The following B3GALT1 variants were observed in gnomAD, a reference collection of about 807,000 sequenced individuals.
B3GALT1 encodes beta-1,3-galactosyltransferase 1.
In B3GALT1, 10 loss-of-function variants were observed where a neutral mutation model predicts 23.2. The observed-to-expected ratio is 0.43, with a 90% confidence interval of 0.27 to 0.73. B3GALT1 has a LOEUF of 0.73. Ranked by LOEUF, B3GALT1 falls within the 30% of genes least tolerant of loss-of-function variation. The pLI is 0.21. For missense variants in B3GALT1, 299 were observed against 405.4 expected, an observed-to-expected ratio of 0.74 and a Z score of 2.25; for synonymous variants, 156 against 141.5, an observed-to-expected ratio of 1.10 and a Z score of -0.73.
intron 3 of B3GALT1, among the ~76,000 whole-genome samples, chr2:167,735,202 C>T (rs1219140984): frequency 6.6e-6 from 1 of 152,196 alleles, no homozygotes; most frequent in African/African-American, 2.4e-5. Flanking sequence ...CTTAGGTCAG[C>T]TACAGTGAAT....
intron 2 of B3GALT1, among the ~76,000 whole-genome samples, chr2:167,568,989 C>G (rs1322676978): frequency 6.6e-6 from 1 of 151,870 alleles, no homozygotes; most frequent in Non-Finnish European, 1.5e-5. Context: ...CATCATTGTT[C>G]CATTTGTATT....
At chr2:167,435,381 A>G (rs2105309492) in intron 1 of B3GALT1, among the ~76,000 whole-genome samples, 1 of 149,868 alleles carries the variant, frequency 6.7e-6, no homozygotes, top group South Asian at 2.1e-4. Context: ...CTAAAATAGG[A>G]AAAAGGGAAG....
intron 2 of B3GALT1, among the ~76,000 whole-genome samples, chr2:167,620,057 T>C (rs891313752): frequency 9.9e-5 from 15 of 152,142 alleles, no homozygotes; most frequent in Admixed American, 2.0e-4. Context: ...AGGAAAATCA[T>C]GTCTGCAAAG....
intron 2 of B3GALT1, among the ~76,000 whole-genome samples, chr2:167,550,367 C>A (rs546314747): frequency 1.1e-3 from 164 of 152,262 alleles, no homozygotes; most frequent in African/African-American, 3.7e-3. Flanking sequence ...CAGAAACTTA[C>A]TTTTACTTTA....
intron 1 of B3GALT1, among the ~76,000 whole-genome samples, chr2:167,357,990 C>T (rs754292166): frequency 6.6e-6 from 1 of 152,158 alleles, no homozygotes; most frequent in Admixed American, 6.5e-5. Context: ...TATATCTTCA[C>T]AATTTGAGTA....
chr2:167,791,856 C>T (rs1427189421), intron 3 of B3GALT1, among the ~76,000 whole-genome samples: 2 of 149,736 alleles, frequency 1.3e-5, no homozygotes, highest in African/African-American at 4.9e-5. Context: ...CAAAAGAATT[C>T]ACAAAGGTAT....
chr2:167,342,571 C>T (rs1697166016), intron 1 of B3GALT1, among the ~76,000 whole-genome samples: 2 of 144,866 alleles, frequency 1.4e-5, no homozygotes, highest in Non-Finnish European at 3.0e-5. Flanking sequence ...GCCTGGGTGA[C>T]AGAGAGAGAC....
chr2:167,424,048 G>T (rs1332273885), intron 1 of B3GALT1, among the ~76,000 whole-genome samples: 1 of 152,112 alleles, frequency 6.6e-6, no homozygotes, highest in Non-Finnish European at 1.5e-5. Context: ...AGACAGAAAT[G>T]CTTTCAAATG....
chr2:167,834,128 T>A (rs1689408626), intron 4 of B3GALT1, among the ~76,000 whole-genome samples: 1 of 152,100 alleles, frequency 6.6e-6, no homozygotes, highest in Non-Finnish European at 1.5e-5. Context: ...AAGGCAGAGT[T>A]CAAAAACAAA....
Position 167,627,864 on chromosome 2 carries a change from A to G in B3GALT1, c.-409-19045A>G, listed in dbSNP as rs1375298582. On this transcript the variant is annotated intron_variant, in intron 2 of 4. Coordinates refer to ENST00000392690, the MANE Select transcript of B3GALT1 (RefSeq NM_020981.4). ...CTATTGTCAGACTTTTTAACCCATTATGAGTATTCATATGAATATATGACA... is the reference window on the plus strand; with the variant it reads ...CTATTGTCAGACTTTTTAACCCATTGTGAGTATTCATATGAATATATGACA... 2.0e-5 allele frequency among the ~76,000 whole-genome samples: 3 copies of G among 151,634 alleles called. No individual in the cohort carries two copies. The Admixed American group carries it at 2.0e-4, about 10-fold the overall frequency.
chr2:167,409,329 A>G (rs2105294254), intron 1 of B3GALT1, among the ~76,000 whole-genome samples: 1 of 152,190 alleles, frequency 6.6e-6, no homozygotes, highest in East Asian at 1.9e-4. Flanking sequence ...CTCCTGGATA[A>G]TGTTCTGAAG....
intron 3 of B3GALT1, among the ~76,000 whole-genome samples, chr2:167,698,765 A>G (rs1361855176): frequency 6.6e-6 from 1 of 152,238 alleles, no homozygotes; most frequent in Non-Finnish European, 1.5e-5. Flanking sequence ...AATAACTAAC[A>G]AACAAAACAC....
At chr2:167,637,562 T>A (rs182699536) in intron 2 of B3GALT1, among the ~76,000 whole-genome samples, 4 of 152,148 alleles carry the variant, frequency 2.6e-5, no homozygotes, top group Admixed American at 2.6e-4. Context: ...TGTTGTTAAC[T>A]GTAGTCACTC....
At chr2:167,510,178 A>G (rs183003315) in intron 2 of B3GALT1, among the ~76,000 whole-genome samples, 115 of 152,302 alleles carry the variant, frequency 7.6e-4, no homozygotes, top group Non-Finnish European at 1.4e-3. Context: ...TTCCCTTTGA[A>G]AGGTGTAAAA....
intron 3 of B3GALT1, among the ~76,000 whole-genome samples, chr2:167,654,770 A>G (rs1304992836): frequency 1.3e-5 from 2 of 150,876 alleles, no homozygotes; most frequent in Non-Finnish European, 2.9e-5. Context: ...TGCTGAAAAT[A>G]GAGACATAAG....
At chr2:167,754,986 A>C (rs1490351361) in intron 3 of B3GALT1, among the ~76,000 whole-genome samples, 2 of 152,126 alleles carry the variant, frequency 1.3e-5, no homozygotes, top group South Asian at 4.2e-4. Flanking sequence ...TTCTCTTTTG[A>C]TACGTGTTTT....
chr2:167,777,554 G>T (rs1009182073), intron 3 of B3GALT1, among the ~76,000 whole-genome samples: 4 of 152,020 alleles, frequency 2.6e-5, no homozygotes, highest in African/African-American at 9.7e-5. Context: ...CGCCTTGTTG[G>T]CCAGGCTGGT....
rs545493860 is a variant in B3GALT1 at position 167,871,948 on chromosome 2, C to T, written c.*1928C>T. Reference sequence around the variant, plus strand: ...ACGGAGTCTAGCTCTGTGGCCCAGGCGGGAGTGCAGTGGCACAATCTCGGC... The same window carrying T: ...ACGGAGTCTAGCTCTGTGGCCCAGGTGGGAGTGCAGTGGCACAATCTCGGC... On this transcript the variant is annotated 3_prime_UTR_variant, in exon 5 of 5. Transcript: ENST00000392690. 17 of 122,370 alleles carry T rather than the reference C, an allele frequency of 1.4e-4. No individual in the cohort carries two copies. The highest frequency in any genetic ancestry group is 2.5e-4 in the Non-Finnish European group (16 of 63,502). 7.6% of individuals were successfully genotyped at this position (122,370 alleles called of 1,614,324 possible). A position where few individuals can be genotyped will look rare whatever the true frequency, so the allele number is the denominator to read the frequency against.
intron 1 of B3GALT1, among the ~76,000 whole-genome samples, chr2:167,305,183 C>T (rs563961130): frequency 6.6e-6 from 1 of 152,320 alleles, no homozygotes; most frequent in Admixed American, 6.5e-5. Context: ...TTTCCAGATA[C>T]TGTGCCTATG....
Sources: gnomAD v4.1 joint callset for allele counts (sites outside exome capture counted in the v4.1 genomes callset) on GRCh38, gnomAD v4.1.1 for gene constraint, MANE v1.5 for transcripts, NCBI Gene and HGNC (gene_info 2026-07-23, HGNC 2026-07-21) for gene names.